The following C5 variants were observed in gnomAD, a reference collection of about 807,000 sequenced individuals.
C5 encodes C3 and PZP-like alpha-2-macroglobulin domain-containing protein 4.
Under a neutral mutation model 218.8 loss-of-function variants are expected in C5, and 140 were observed. That is an observed-to-expected ratio of 0.64 (90% CI 0.56 to 0.74). C5 has a LOEUF of 0.74. Ranked by LOEUF, C5 falls within the 30% of genes least tolerant of loss-of-function variation. The probability of loss-of-function intolerance (pLI) is 0.00; values close to 1 mark genes in which losing one functional copy is unlikely to be tolerated. For missense variants in C5, 1,700 were observed against 1,969.6 expected (o/e 0.86, Z 2.59); for synonymous variants, 614 against 682.3 (o/e 0.90, Z 1.56).
At chr9:121,058,448 T>A in the C5 span, among the ~76,000 whole-genome samples, 6 of 150,708 alleles carry the variant, frequency 4.0e-5, no homozygotes, top group Admixed American at 3.3e-4. Flanking sequence ...ATATATAAAA[T>A]TTTTTTTTTA....
Position 120,969,061 on chromosome 9 carries a change from C to T in C5, c.4220G>A (p.Ser1407Asn). The T allele has an allele frequency of 3.7e-6, 6 of 1,613,134 alleles. No homozygotes were observed. The highest frequency in any genetic ancestry group is 5.1e-6 in the Non-Finnish European group (6 of 1,179,118). Residue 1407 changes from serine (S) to asparagine (N), a missense_variant and splice_region_variant, in exon 33 of 41, where the codon AGC becomes AAC. Transcript: ENST00000223642. ...SDYKRIVACASYKPSREESSS... is the reference protein window; with the variant it reads ...SDYKRIVACANYKPSREESSS... Reference sequence around the variant, plus strand: ...CTCCCCTTTGTGGAAATAGGCTCACCTGGCACATGCTACTATGCGTTTGTA... The same window carrying T: ...CTCCCCTTTGTGGAAATAGGCTCACTTGGCACATGCTACTATGCGTTTGTA...
chr9:120,977,128 G>A (rs2046959464), intron 28 of C5, among the ~76,000 whole-genome samples: 1 of 152,004 alleles, frequency 6.6e-6, no homozygotes, highest in Non-Finnish European at 1.5e-5. Context: ...AATATGAAAT[G>A]CCCCCAAAAT....
rs983648069 is a variant in C5 at position 121,009,136 on chromosome 9, A to T, written c.2258-638T>A. Among the ~76,000 whole-genome samples, 24 of 152,234 alleles carry T rather than the reference A, an allele frequency of 1.6e-4. 1 individual carries two copies. Among genetic ancestry groups the T allele is most frequent in the African/African-American group, 4.6e-4 (19 of 41,468 alleles). Reference sequence around the variant, plus strand: ...TAATTGTAATAATTGTGTTTATATTAGAAAAAAGGAGGCTTTATATGGTTC... The same window carrying T: ...TAATTGTAATAATTGTGTTTATATTTGAAAAAAGGAGGCTTTATATGGTTC... On this transcript the variant is annotated intron_variant, in intron 17 of 40. Coordinates refer to ENST00000223642, the MANE Select transcript of C5 (RefSeq NM_001735.3).
chr9:121,027,143 G>C lies in C5; in HGVS notation c.873+17C>G. Reference sequence around the variant, plus strand: ...GATGCATCTGTAGGTGTGAGTGACTGTGTCTTAACATCTTACCATTGTGTT... The same window carrying C: ...GATGCATCTGTAGGTGTGAGTGACTCTGTCTTAACATCTTACCATTGTGTT... On this transcript the variant is annotated intron_variant, in intron 8 of 40. Transcript: ENST00000223642. 7.4e-7 allele frequency: 1 copy of C among 1,345,468 alleles called. No individual in the cohort carries two copies. Among genetic ancestry groups the C allele is most frequent in the Non-Finnish European group, 1.1e-6 (1 of 944,364 alleles). The allele number at this position is 1,345,468 out of a possible 1,614,324, so 83.3% of individuals were successfully genotyped here.
rs757714102 is a variant in C5 at position 120,989,708 on chromosome 9, T to C, written c.3014A>G (p.Lys1005Arg). ...EGINILTHLP[K>R]GSAEAELMSV... is the part of the protein sequence containing the mutation. ...CATCAGCTCCGCCTCTGCACTCCCTTTGGGGAGGTGGGTTAGGATATTGAT... is the reference window on the plus strand; with the variant it reads ...CATCAGCTCCGCCTCTGCACTCCCTCTGGGGAGGTGGGTTAGGATATTGAT... The change falls in exon 24 of 41, where the codon AAA becomes AGA. Residue 1005 changes from lysine (K) to arginine (R), a missense_variant. By Grantham distance (26) the Lys-to-Arg change is conservative. Transcript: ENST00000223642. 3 of 1,613,898 alleles carry C rather than the reference T, an allele frequency of 1.9e-6. No homozygotes were observed. The highest frequency in any genetic ancestry group is 1.1e-5 in the South Asian group (1 of 91,070).
intron 25 of C5, among the ~76,000 whole-genome samples, chr9:120,988,415 A>G (rs2047050604): frequency 6.6e-6 from 1 of 152,192 alleles, no homozygotes; most frequent in Non-Finnish European, 1.5e-5. Context: ...CCAAGGTGAC[A>G]TTTGGTAAAG....
intron 14 of C5, 89 bp downstream of exon 14, chr9:121,017,273 A>T (rs1053176255): frequency 6.8e-7 from 1 of 1,468,652 alleles, no homozygotes; most frequent in African/African-American, 1.4e-5. Context: ...ACAGAAAAGC[A>T]GGCCTAGTCT....
At chr9:120,952,961 T>C (rs1302175583) in intron 40 of C5, 93 bp from the exon 41 acceptor site, 1 of 1,407,618 alleles carries the variant, frequency 7.1e-7, no homozygotes, top group African/African-American at 1.4e-5. Context: ...TCTTGCTCAG[T>C]CGCCCATGCT....
chr9:120,994,986 C>T (rs2047105851), intron 22 of C5, among the ~76,000 whole-genome samples: 1 of 151,410 alleles, frequency 6.6e-6, no homozygotes, highest in Admixed American at 6.6e-5. Context: ...GATATAATTG[C>T]ATGAGGCTAA....
chr9:120,974,473 T>C (rs1265853173), intron 30 of C5, among the ~76,000 whole-genome samples: 1 of 152,248 alleles, frequency 6.6e-6, no homozygotes, highest in Non-Finnish European at 1.5e-5. Context: ...TCTGGACACA[T>C]CTGACAAACT....
chr9:121,074,165 AGGGTATACCTT>A, the C5 span, among the ~76,000 whole-genome samples: 2 of 152,310 alleles, frequency 1.3e-5, no homozygotes, highest in East Asian at 3.9e-4. Flanking sequence ...AACATGGTCC[AGGGTATACCTT>A]CAAAACGGGA....
chr9:121,026,550 C>A (rs1296519574), intron 8 of C5, among the ~76,000 whole-genome samples: 1 of 152,132 alleles, frequency 6.6e-6, no homozygotes, highest in African/African-American at 2.4e-5. Flanking sequence ...TAGGGGCCTG[C>A]CCTGTGCATG....
intron 1 of C5, among the ~76,000 whole-genome samples, chr9:121,047,844 AGAG>A (rs139966581): frequency 0.013 from 1,927 of 152,192 alleles, 31 homozygotes; most frequent in African/African-American, 0.044. Flanking sequence ...GCAGAAAATG[AGAG>A]GAGTTCAGTT....
At position 121,005,990 on chromosome 9, in the gene C5, A is replaced by G. The variant is rs1352441352; in HGVS notation, c.2491T>C (p.Tyr831His). 5.6e-6 allele frequency: 9 copies of G among 1,613,384 alleles called. No individual in the cohort carries two copies. The highest frequency in any genetic ancestry group is 7.6e-6 in the Non-Finnish European group (9 of 1,179,558). The change falls in exon 20 of 41, where the codon TAT becomes CAT. Residue 831 changes from tyrosine to histidine, a missense_variant. Tyr to His is a moderately conservative substitution (Grantham distance 83). Coordinates refer to ENST00000223642, the MANE Select transcript of C5 (RefSeq NM_001735.3). ...KDVFLEMNIP[Y>H]SVVRGEQIQL... ...ATCTGTTCTCCTCGTACAACAGAAT[A>G]TGGTATATTCATTTCCAGGAAGACA...
the C5 span, among the ~76,000 whole-genome samples, chr9:121,059,893 A>T: frequency 6.6e-6 from 1 of 152,206 alleles, no homozygotes; most frequent in Non-Finnish European, 1.5e-5. The surrounding 1 kb of genome is among the most constrained non-coding windows in gnomAD (Gnocchi z 4.1). Flanking sequence ...AGGTGGCTGC[A>T]GCCCAGCTGT....
At chr9:121,057,506 CTGCT>C in the C5 span, among the ~76,000 whole-genome samples, 1 of 151,810 alleles carries the variant, frequency 6.6e-6, no homozygotes. Context: ...TTGGCTTTCT[CTGCT>C]TGTTTTTAAA....
intron 30 of C5, among the ~76,000 whole-genome samples, chr9:120,972,671 C>G (rs2046923744): frequency 2.6e-5 from 4 of 152,196 alleles, no homozygotes. Flanking sequence ...GAAACTCTGT[C>G]ATCCAAATGC....
At chr9:120,954,685 T>C (rs1395808105) in intron 39 of C5, among the ~76,000 whole-genome samples, 2 of 152,386 alleles carry the variant, frequency 1.3e-5, no homozygotes, top group Admixed American at 1.3e-4. Context: ...ACAGGGCTGA[T>C]ATTTAACTAT....
At chr9:121,043,860 T>C (rs975641802) in intron 2 of C5, among the ~76,000 whole-genome samples, 4 of 152,110 alleles carry the variant, frequency 2.6e-5, no homozygotes, top group Non-Finnish European at 5.9e-5. Context: ...CCAGCATCTC[T>C]GGACCCTTAG....
Sources: allele counts gnomAD v4.1 joint callset (sites outside exome capture counted in the v4.1 genomes callset), GRCh38; gene constraint gnomAD v4.1.1; non-coding constraint Gnocchi (gnomAD v3.1); transcripts MANE v1.5; gene names NCBI Gene and HGNC (gene_info 2026-07-23, HGNC 2026-07-21).